Variants in TBCD observed in about 807,000 individuals in gnomAD.
TBCD encodes the protein tubulin folding cofactor D, also known as tubulin-specific chaperone D.
Under a neutral mutation model 169.3 loss-of-function variants are expected in TBCD, and 105 were observed. The ratio of observed to expected loss-of-function variants is 0.62; its 90% confidence interval spans 0.53 to 0.73. The LOEUF (loss-of-function observed/expected upper bound fraction) is 0.73. Among genes scored for constraint, TBCD ranks in the 30% least tolerant of loss-of-function variants. The pLI, the probability that TBCD is intolerant of heterozygous loss-of-function variation, is 0.00. For synonymous variants in TBCD, 700 were observed against 643.9 expected (o/e 1.09, Z -1.32); for missense variants, 1,444 against 1,600.1 (o/e 0.90, Z 1.66).
At chr17:82,840,983 T>TTTTA (rs2054469352) in intron 13 of TBCD, among the ~76,000 whole-genome samples, 3 of 120,782 alleles carry the variant, frequency 2.5e-5, no homozygotes, top group South Asian at 2.8e-4. Flanking sequence ...TTTTTTTTTT[T>TTTTA]GAGACAGAGT....
intron 2 of TBCD, among the ~76,000 whole-genome samples, chr17:82,759,412 A>G (rs1468934508): frequency 1.3e-5 from 2 of 152,130 alleles, no homozygotes; most frequent in Admixed American, 6.5e-5. Context: ...ACTGGGACCC[A>G]GGACGCGGAG....
intron 7 of TBCD, among the ~76,000 whole-genome samples, chr17:82,785,205 CAG>C (rs974596866): frequency 1.1e-5 from 1 of 94,308 alleles, no homozygotes; most frequent in Admixed American, 1.1e-4. Context: ...ATCGCAGCGA[CAG>C]GGGGTCCATG....
intron 5 of TBCD, 112 bp from the exon 6 acceptor site, chr17:82,772,340 T>C (rs1379216003): frequency 1.8e-6 from 2 of 1,105,918 alleles, no homozygotes; most frequent in Non-Finnish European, 2.8e-6. Flanking sequence ...TGGTAAGGTT[T>C]GTGAACCTGG....
rs1012595196 is a variant in TBCD, at chr17:82,782,688, C to T, written c.771+967C>T. Among the ~76,000 whole-genome samples the T allele has an allele frequency of 1.3e-5, 2 of 152,164 alleles. No individual in the cohort carries two copies. The highest frequency in any genetic ancestry group is 2.9e-5 in the Non-Finnish European group (2 of 68,026). On this transcript the variant is annotated intron_variant, in intron 7 of 38. Coordinates refer to ENST00000355528, the MANE Select transcript of TBCD (RefSeq NM_005993.5). This position sits in a 1 kb window ranked among gnomAD's most constrained non-coding sequence, Gnocchi z 5.1. Reference sequence around the variant, plus strand: ...TTTTAGGGGAGATGATGAGTGCCACCTCGCCACGGCGTCCTCCTGTCCGTG... The same window carrying T: ...TTTTAGGGGAGATGATGAGTGCCACTTCGCCACGGCGTCCTCCTGTCCGTG...
At chr17:82,767,544 C>T (rs572151413) in intron 4 of TBCD, among the ~76,000 whole-genome samples, 7 of 152,124 alleles carry the variant, frequency 4.6e-5, no homozygotes, top group South Asian at 2.1e-4. Flanking sequence ...CAGGTTCAAG[C>T]GATTCTCCTG....
chr17:82,897,853 G>T (rs964636223), intron 17 of TBCD, among the ~76,000 whole-genome samples: 1 of 152,252 alleles, frequency 6.6e-6, no homozygotes, highest in African/African-American at 2.4e-5. Flanking sequence ...GAGGGGCTTT[G>T]AGCCCCCGTG....
intron 12 of TBCD, among the ~76,000 whole-genome samples, chr17:82,812,725 TAG>T (rs2051545835): frequency 6.6e-6 from 1 of 152,230 alleles, no homozygotes. Context: ...TTGTATTTAG[TAG>T]AGACGGGGTT....
Position 82,907,767 on chromosome 17 carries a change from C to T in TBCD, c.1929C>T (p.Val643=). 1.2e-6 allele frequency: 2 copies of T among 1,613,826 alleles called. No homozygotes were observed. Among genetic ancestry groups the T allele is most frequent in the South Asian group, 1.1e-5 (1 of 91,008 alleles). The change falls in exon 21 of 39, where the codon GTC becomes GTT. Residue 643 remains valine, a synonymous_variant. Coordinates refer to ENST00000355528, the MANE Select transcript of TBCD (RefSeq NM_005993.5). ...TGTGTTTGAACTTCTGCAGGCCCGTCACGGACCATCTGGACGAGCAGGCAG... is the reference window on the plus strand; with the variant it reads ...TGTGTTTGAACTTCTGCAGGCCCGTTACGGACCATCTGGACGAGCAGGCAG... The part of the protein sequence containing the change: ...YKLAAQENRP[V]TDHLDEQAVQ...
Position 82,920,364 on chromosome 17 carries a change from A to C in TBCD, c.2039-192A>C, listed in dbSNP as rs1405012184. 2 of 617,874 alleles carry C rather than the reference A, an allele frequency of 3.2e-6. No homozygotes were observed. The highest frequency in any genetic ancestry group is 2.8e-5 in the East Asian group (1 of 36,254). 38.3% of individuals were successfully genotyped at this position (617,874 alleles called of 1,614,324 possible). ...CTTTCTTCAGGCTGCTCAGCGGAGG[A>C]GGCGTCTTGGGCTTCTCATGGTGGT... On this transcript the variant is annotated intron_variant, in intron 23 of 38. Transcript: ENST00000355528. This position sits in a 1 kb window ranked among gnomAD's most constrained non-coding sequence, Gnocchi z 4.1.
In TBCD at chr17:82,884,002, G is replaced by T; in HGVS notation, c.1476-143G>T. 1 of 711,494 alleles carries T rather than the reference G, an allele frequency of 1.4e-6. No individual in the cohort carries two copies. Among genetic ancestry groups the T allele is most frequent in the South Asian group, 1.7e-5 (1 of 57,958 alleles). The allele number at this position is 711,494 out of a possible 1,614,324, so 44.1% of individuals were successfully genotyped here. A position where few individuals can be genotyped will look rare whatever the true frequency, so the allele number is the denominator to read the frequency against. ...ATGTGTCTGTCTGCAGTCCCTGGGT[G>T]CCTCAAGCTGTGTGTTGCCTGTGGG... is the stretch of plus-strand genomic sequence containing the variant. On this transcript the variant is annotated intron_variant, in intron 14 of 38. Coordinates refer to ENST00000355528, the MANE Select transcript of TBCD (RefSeq NM_005993.5). This position sits in a 1 kb window ranked among gnomAD's most constrained non-coding sequence, Gnocchi z 4.2.
chr17:82,907,860 C>A, intron 21 of TBCD, 39 bp downstream of exon 21: 1 of 1,600,824 alleles, frequency 6.2e-7, no homozygotes, highest in Non-Finnish European at 8.5e-7. Context: ...CAGGAGGCAT[C>A]ACAGGACCTG....
intron 12 of TBCD, among the ~76,000 whole-genome samples, chr17:82,814,035 A>T (rs1250299818): frequency 1.3e-5 from 2 of 152,252 alleles, no homozygotes; most frequent in African/African-American, 4.8e-5. Flanking sequence ...AATTAGAATC[A>T]GGAGAGCTTC....
chr17:82,815,587 G>A (rs1032026445), intron 13 of TBCD, among the ~76,000 whole-genome samples: 2 of 152,258 alleles, frequency 1.3e-5, no homozygotes, highest in South Asian at 4.1e-4. Context: ...ACGCAGCCCT[G>A]TCTGTGTTTG....
chr17:82,900,997 C>T (rs901040741), intron 18 of TBCD, among the ~76,000 whole-genome samples: 5 of 152,208 alleles, frequency 3.3e-5, no homozygotes, highest in East Asian at 3.9e-4. Flanking sequence ...TGTGGAGTGC[C>T]GCTGCCGTCC....
chr17:82,849,324 C>T (rs945058777), intron 13 of TBCD, among the ~76,000 whole-genome samples: 8 of 141,138 alleles, frequency 5.7e-5, no homozygotes, highest in Non-Finnish European at 9.2e-5. Context: ...CTGTCTGCTG[C>T]GTCGGGGCTG....
At chr17:82,827,644 G>T (rs1472879457) in intron 13 of TBCD, among the ~76,000 whole-genome samples, 1 of 152,122 alleles carries the variant, frequency 6.6e-6, no homozygotes, top group African/African-American at 2.4e-5. Context: ...ACACATGCAC[G>T]TTGACACGTG....
intron 27 of TBCD, among the ~76,000 whole-genome samples, chr17:82,925,469 G>C (rs771277862): frequency 1.7e-4 from 26 of 152,130 alleles, no homozygotes; most frequent in Non-Finnish European, 3.2e-4. Context: ...CCCCACGCTG[G>C]CCTCAGTGAC....
At chr17:82,859,676 C>G (rs757230647) in intron 13 of TBCD, 1 of 985,314 alleles carries the variant, frequency 1.0e-6, no homozygotes. Context: ...TGAGGACCAG[C>G]AGAGGCTGGA....
intron 34 of TBCD, among the ~76,000 whole-genome samples, chr17:82,936,134 T>G (rs1345938715): frequency 6.6e-6 from 1 of 152,234 alleles, no homozygotes; most frequent in Non-Finnish European, 1.5e-5. Context: ...TCTGTCATTA[T>G]CACGCTCACG....
Sources: gnomAD v4.1 joint callset for allele counts (sites outside exome capture counted in the v4.1 genomes callset) on GRCh38, gnomAD v4.1.1 for gene constraint, Gnocchi (gnomAD v3.1) non-coding constraint, MANE v1.5 for transcripts, NCBI Gene and HGNC (gene_info 2026-07-23, HGNC 2026-07-21) for gene names.